The following HHIP variants were observed in gnomAD, a reference collection of about 807,000 sequenced individuals.
The protein encoded by HHIP is hedgehog-interacting protein.
Under a neutral mutation model 74.0 loss-of-function variants are expected in HHIP, and 12 were observed. That is an observed-to-expected ratio of 0.16 (90% CI 0.10 to 0.26). HHIP has a LOEUF of 0.26. Ranked by LOEUF, HHIP falls within the 10% of genes least tolerant of loss-of-function variation. The pLI is 1.00. For missense variants in HHIP, 788 were observed against 845.0 expected (o/e 0.93, Z 0.84); for synonymous variants, 309 against 311.6 (o/e 0.99, Z 0.09).
At chr4:144,733,816 G>A (rs753213488) in intron 11 of HHIP, among the ~76,000 whole-genome samples, 5 of 152,076 alleles carry the variant, frequency 3.3e-5, no homozygotes, top group Non-Finnish European at 7.4e-5. Flanking sequence ...GAGCAGTTGT[G>A]ACCATGACTC....
chr4:144,732,183 TG>T (rs1730979396), intron 11 of HHIP, among the ~76,000 whole-genome samples: 2 of 152,180 alleles, frequency 1.3e-5, no homozygotes, highest in Non-Finnish European at 2.9e-5. Context: ...AAGGGAGCCC[TG>T]ATAGAGTAAC....
At position 144,743,003 on chromosome 4, in the gene HHIP, ATATATAT is replaced by A. The variant is rs1731305509; in HGVS notation, c.*5054_*5060del. The A allele has an allele frequency of 2.5e-4, 1 of 3,976 alleles. No individual in the cohort carries two copies. The highest frequency in any genetic ancestry group is 3.8e-4 in the Non-Finnish European group (1 of 2,628). 0.2% of individuals were successfully genotyped at this position (3,976 alleles called of 1,614,324 possible). On this transcript the variant is annotated 3_prime_UTR_variant, in exon 13 of 13. Coordinates refer to ENST00000296575, the MANE Select transcript of HHIP (RefSeq NM_022475.3). ...TATATACATTATATATATATAATAT[ATATATAT>A]TATATATATATAATATATATCTTAT...
intron 4 of HHIP, among the ~76,000 whole-genome samples, chr4:144,666,512 T>C (rs1009669617): frequency 6.6e-6 from 1 of 152,140 alleles, no homozygotes; most frequent in African/African-American, 2.4e-5. Context: ...TTTTCACAGA[T>C]GAAGGGACTG....
At chr4:144,718,258 A>T (rs1730519249) in intron 10 of HHIP, among the ~76,000 whole-genome samples, 1 of 152,176 alleles carries the variant, frequency 6.6e-6, no homozygotes, top group Non-Finnish European at 1.5e-5. Context: ...AAGGGGGGAA[A>T]AAATGAACCT....
intron 4 of HHIP, among the ~76,000 whole-genome samples, chr4:144,671,593 A>T (rs1212559564): frequency 6.6e-6 from 1 of 152,244 alleles, no homozygotes; most frequent in Non-Finnish European, 1.5e-5. Flanking sequence ...GCATAGCCAT[A>T]TCACTCACTC....
At chr4:144,695,998 T>C (rs1214847995) in intron 4 of HHIP, among the ~76,000 whole-genome samples, 1 of 151,972 alleles carries the variant, frequency 6.6e-6, no homozygotes, top group South Asian at 2.1e-4. Context: ...AATGTAGGAC[T>C]TCACATTCTC....
chr4:144,717,187 T>C (rs969541372), intron 10 of HHIP, among the ~76,000 whole-genome samples: 2 of 152,214 alleles, frequency 1.3e-5, no homozygotes, highest in African/African-American at 2.4e-5. Flanking sequence ...CTAGCTTTAA[T>C]TGAAGAACCA....
intron 1 of HHIP, among the ~76,000 whole-genome samples, chr4:144,650,091 G>T (rs1247584063): frequency 6.6e-6 from 1 of 152,106 alleles, no homozygotes; most frequent in Non-Finnish European, 1.5e-5. Context: ...TCGAACCCAT[G>T]TGGCTGCCTT....
rs1412557007 is a variant in HHIP, at chr4:144,739,858, A to G, written c.*1901A>G. On this transcript the variant is annotated 3_prime_UTR_variant, in exon 13 of 13. Transcript: ENST00000296575. The stretch of plus-strand genomic sequence containing the variant: ...AGTCACACTAACACTTCATTGGCCC[A>G]ACAGTGTGACAAATCTTGCAATGAA... 6.6e-6 allele frequency: 1 copy of G among 152,198 alleles called. No homozygotes were observed. Among genetic ancestry groups the G allele is most frequent in the Admixed American group, 6.5e-5 (1 of 15,272 alleles). The allele number at this position is 152,198 out of a possible 1,614,324, so 9.4% of individuals were successfully genotyped here.
At chr4:144,686,203 C>T (rs1450577375) in intron 4 of HHIP, among the ~76,000 whole-genome samples, 1 of 152,120 alleles carries the variant, frequency 6.6e-6, no homozygotes, top group African/African-American at 2.4e-5. Flanking sequence ...TGTGGCTCAC[C>T]CACCAAATTA....
At chr4:144,656,033 A>G (rs1459987183) in intron 2 of HHIP, among the ~76,000 whole-genome samples, 1 of 152,216 alleles carries the variant, frequency 6.6e-6, no homozygotes, top group Non-Finnish European at 1.5e-5. Flanking sequence ...TGACCATATT[A>G]TGATGATCCC....
chr4:144,653,906 C>T (rs924176640), intron 2 of HHIP, among the ~76,000 whole-genome samples: 6 of 152,076 alleles, frequency 3.9e-5, no homozygotes, highest in Non-Finnish European at 8.8e-5. Context: ...TGTTTCTAAG[C>T]CTTTTCTCAA....
intron 4 of HHIP, among the ~76,000 whole-genome samples, chr4:144,689,156 C>T (rs1445314771): frequency 6.6e-6 from 1 of 152,158 alleles, no homozygotes; most frequent in Admixed American, 6.5e-5. Context: ...TTTCAGAGAG[C>T]TTTTATTAAT....
intron 4 of HHIP, among the ~76,000 whole-genome samples, chr4:144,702,838 A>G (rs1173865029): frequency 6.6e-6 from 1 of 152,204 alleles, no homozygotes; most frequent in East Asian, 1.9e-4. Flanking sequence ...ATGAAGTACA[A>G]TTATAATGTG....
intron 1 of HHIP, among the ~76,000 whole-genome samples, chr4:144,647,901 G>C (rs1185845534): frequency 6.6e-6 from 1 of 151,844 alleles, no homozygotes; most frequent in Non-Finnish European, 1.5e-5. Context: ...GTTTAATTAA[G>C]AATTCCTCTG....
At chr4:144,729,189 T>C (rs1730884172) in intron 11 of HHIP, among the ~76,000 whole-genome samples, 1 of 152,142 alleles carries the variant, frequency 6.6e-6, no homozygotes, top group South Asian at 2.1e-4. Flanking sequence ...ATTTATCCCA[T>C]CATAAGAAAT....
intron 4 of HHIP, among the ~76,000 whole-genome samples, chr4:144,660,954 C>A (rs1334761042): frequency 2.0e-5 from 3 of 152,036 alleles, no homozygotes; most frequent in Non-Finnish European, 4.4e-5. Context: ...GAGAATAATA[C>A]TAATTATTTG....
intron 4 of HHIP, among the ~76,000 whole-genome samples, chr4:144,664,486 TA>T (rs1252043927): frequency 1.3e-5 from 2 of 152,254 alleles, no homozygotes; most frequent in East Asian, 3.8e-4. Context: ...CAAACCTTTT[TA>T]CATTTTTTTC....
chr4:144,661,092 A>G (rs1310314265), intron 4 of HHIP, among the ~76,000 whole-genome samples: 1 of 152,150 alleles, frequency 6.6e-6, no homozygotes, highest in Non-Finnish European at 1.5e-5. Context: ...ATTTTTTATA[A>G]CAAGAACTGA....
Sources: allele counts gnomAD v4.1 joint callset (sites outside exome capture counted in the v4.1 genomes callset), GRCh38; gene constraint gnomAD v4.1.1; transcripts MANE v1.5; gene names NCBI Gene and HGNC (gene_info 2026-07-23, HGNC 2026-07-21).